Variants in RORA observed in about 807,000 individuals in gnomAD.
RORA encodes RAR related orphan receptor A.
Under a neutral mutation model 69.5 loss-of-function variants are expected in RORA, and 7 were observed. The observed-to-expected ratio is 0.10, with a 90% CI of 0.06 to 0.19. The LOEUF (loss-of-function observed/expected upper bound fraction) is 0.19, where lower values mean the gene tolerates loss of function less well. Among genes scored for constraint, RORA ranks in the 10% least tolerant of loss-of-function variants. The pLI is 1.00. For missense variants in RORA, 457 were observed against 663.0 expected, an observed-to-expected ratio of 0.69 and a Z score of 3.41; for synonymous variants, 261 against 240.8, an observed-to-expected ratio of 1.08 and a Z score of -0.78.
chr15:60,753,512 C>T (rs1365733711), intron 1 of RORA, among the ~76,000 whole-genome samples: 1 of 152,232 alleles, frequency 6.6e-6, no homozygotes, highest in Admixed American at 6.5e-5. Flanking sequence ...ACTGACCTCT[C>T]CACCCTTCAT....
intron 1 of RORA, among the ~76,000 whole-genome samples, chr15:60,720,343 T>C (rs187419055): frequency 6.6e-6 from 1 of 152,296 alleles, no homozygotes; most frequent in East Asian, 1.9e-4. Context: ...AGAGTCCTAT[T>C]TGGGTTGTAA....
intron 2 of RORA, among the ~76,000 whole-genome samples, chr15:60,613,589 A>G (rs937749153): frequency 6.6e-6 from 1 of 152,112 alleles, no homozygotes; most frequent in Non-Finnish European, 1.5e-5. Flanking sequence ...ATTGCCAGGC[A>G]CGTCTGGCAT....
intron 1 of RORA, among the ~76,000 whole-genome samples, chr15:60,816,041 C>T (rs1247515600): frequency 4.2e-5 from 6 of 141,898 alleles, no homozygotes; most frequent in Admixed American, 3.6e-4. Flanking sequence ...AGTATATATA[C>T]TATAAAAACT....
At chr15:60,624,577 A>ATG (rs201503311) in intron 2 of RORA, among the ~76,000 whole-genome samples, 2,881 of 147,994 alleles carry the variant, frequency 0.019, 78 homozygotes, top group African/African-American at 0.068. Context: ...CATATATATT[A>ATG]TATATACACA....
At chr15:61,122,769 C>T (rs752788829) in intron 1 of RORA, among the ~76,000 whole-genome samples, 8 of 152,152 alleles carry the variant, frequency 5.3e-5, no homozygotes, top group Non-Finnish European at 7.4e-5. Context: ...ATGCTAACGT[C>T]CACATCTGTA....
chr15:60,834,511 C>T (rs2073089796), intron 1 of RORA, among the ~76,000 whole-genome samples: 1 of 152,152 alleles, frequency 6.6e-6, no homozygotes, highest in Admixed American at 6.5e-5. Flanking sequence ...AAGAGAGTTG[C>T]TATTTTCAGG....
At chr15:60,507,536 A>G (rs2065548444) in intron 5 of RORA, among the ~76,000 whole-genome samples, 1 of 152,232 alleles carries the variant, frequency 6.6e-6, no homozygotes, top group Non-Finnish European at 1.5e-5. Context: ...GAACAAATGT[A>G]AAGGAAAGAA....
chr15:60,868,808 G>A (rs1338451040), intron 1 of RORA, among the ~76,000 whole-genome samples: 1 of 152,098 alleles, frequency 6.6e-6, no homozygotes, highest in African/African-American at 2.4e-5. Context: ...TTTCCAGGGG[G>A]GAAAAACACT....
At chr15:60,775,425 T>C (rs2072150930) in intron 1 of RORA, among the ~76,000 whole-genome samples, 1 of 152,258 alleles carries the variant, frequency 6.6e-6, no homozygotes, top group South Asian at 2.1e-4. Context: ...TCTGCAGTTT[T>C]CTTCCTATGG....
chr15:61,188,426 G>C (rs1288490123), intron 1 of RORA, among the ~76,000 whole-genome samples: 1 of 152,166 alleles, frequency 6.6e-6, no homozygotes, highest in African/African-American at 2.4e-5. Flanking sequence ...TTCTGGGGCA[G>C]CAGTGCCCAA....
At chr15:61,013,082 T>C (rs956305590) in intron 1 of RORA, among the ~76,000 whole-genome samples, 1 of 152,244 alleles carries the variant, frequency 6.6e-6, no homozygotes, top group Non-Finnish European at 1.5e-5. Flanking sequence ...AGCACCAAAC[T>C]ATAACCACAG....
intron 1 of RORA, among the ~76,000 whole-genome samples, chr15:60,829,624 C>G (rs76008578): frequency 2.4e-3 from 366 of 152,248 alleles, no homozygotes; most frequent in Non-Finnish European, 4.1e-3. Context: ...AAGAGTTTGT[C>G]AGTTCTTCCA....
At chr15:60,516,691 C>T (rs554550047) in intron 3 of RORA, among the ~76,000 whole-genome samples, 12 of 152,090 alleles carry the variant, frequency 7.9e-5, no homozygotes, top group Non-Finnish European at 1.5e-4. Flanking sequence ...TTTTAAAAAG[C>T]CTACCCACTG....
At chr15:60,597,669 A>G (rs2068727877) in intron 2 of RORA, among the ~76,000 whole-genome samples, 1 of 126,674 alleles carries the variant, frequency 7.9e-6, no homozygotes, top group African/African-American at 2.9e-5. Context: ...CACAAGAAAT[A>G]CAAGTGAACT....
chr15:60,619,010 G>C (rs1477254154), intron 2 of RORA, among the ~76,000 whole-genome samples: 1 of 152,200 alleles, frequency 6.6e-6, no homozygotes, highest in Non-Finnish European at 1.5e-5. Context: ...AGGGAATACT[G>C]GCACCTTTCC....
chr15:61,121,157 C>T (rs1005633908), intron 1 of RORA, among the ~76,000 whole-genome samples: 1 of 152,066 alleles, frequency 6.6e-6, no homozygotes, highest in Non-Finnish European at 1.5e-5. Flanking sequence ...GCCAATTAAG[C>T]CTTACTTCTG....
Position 61,135,142 on chromosome 15 carries a change from TTAC to T in RORA, c.166+93908_166+93910del, listed in dbSNP as rs1240824128. 2.0e-3 allele frequency among the ~76,000 whole-genome samples: 275 copies of T among 135,316 alleles called. 1 individual carries two copies. Among genetic ancestry groups the T allele is most frequent in the African/African-American group, 7.7e-3 (262 of 34,234 alleles). The allele number at this position is 135,316 out of a possible 152,430, so 88.8% of individuals were successfully genotyped here. ...AGCCAACATGGTGAAACCCCATCTC[TTAC>T]TAAAAAAAAAAAAAAAAAAAAAAAA... On this transcript the variant is annotated intron_variant, in intron 1 of 10. Transcript: ENST00000335670.
Position 60,933,997 on chromosome 15 carries a change from G to A in RORA, c.167-255311C>T, listed in dbSNP as rs1409995179. ...GCGCATTGGAGTCTTGCAGCTGACAGTCGTTCGGTAAAGAAACACCTACTT... is the reference window on the plus strand; with the variant it reads ...GCGCATTGGAGTCTTGCAGCTGACAATCGTTCGGTAAAGAAACACCTACTT... On this transcript the variant is annotated intron_variant, in intron 1 of 10. Coordinates refer to ENST00000335670, the MANE Select transcript of RORA (RefSeq NM_134261.3). Among the ~76,000 whole-genome samples the A allele has an allele frequency of 2.0e-5, 3 of 152,202 alleles. No individual in the cohort carries two copies. The East Asian group carries it at 5.8e-4, about 29-fold the overall frequency.
chr15:61,108,993 C>G (rs1272643879), intron 1 of RORA, among the ~76,000 whole-genome samples: 1 of 152,094 alleles, frequency 6.6e-6, no homozygotes, highest in Non-Finnish European at 1.5e-5. Context: ...GGTCAGGAGA[C>G]TGAGACTTCC....
Sources: gnomAD v4.1 joint callset for allele counts (sites outside exome capture counted in the v4.1 genomes callset) on GRCh38, gnomAD v4.1.1 for gene constraint, MANE v1.5 for transcripts, NCBI Gene and HGNC (gene_info 2026-07-23, HGNC 2026-07-21) for gene names.